SGCD: variants seen among roughly 807,000 people sequenced by gnomAD.
SGCD encodes delta-sarcoglycan.
In SGCD, 18 loss-of-function variants were observed where a neutral mutation model predicts 36.6. The ratio of observed to expected loss-of-function variants is 0.49; its 90% CI spans 0.34 to 0.73. The LOEUF (loss-of-function observed/expected upper bound fraction) is 0.73, where lower values mean the gene tolerates loss of function less well. Ranked by LOEUF, SGCD falls within the 30% of genes least tolerant of loss-of-function variation. SGCD has a pLI of 0.01. For missense variants in SGCD, 387 were observed against 346.7 expected, an observed-to-expected ratio of 1.12 and a Z score of -0.92; for synonymous variants, 133 against 130.6, an observed-to-expected ratio of 1.02 and a Z score of -0.12.
intron 1 of SGCD, among the ~76,000 whole-genome samples, chr5:155,908,873 A>G (rs1255822360): frequency 2.0e-5 from 3 of 152,112 alleles, no homozygotes; most frequent in African/African-American, 4.8e-5. Context: ...CAAAAAGCGC[A>G]ATCTACCTTG....
chr5:155,864,714 TC>T, the SGCD span, among the ~76,000 whole-genome samples: 3 of 150,330 alleles, frequency 2.0e-5, no homozygotes, highest in South Asian at 6.5e-4. Context: ...GTGGAACAAG[TC>T]ACTGTAATCT....
At chr5:155,937,161 G>T (rs946109038) in intron 1 of SGCD, among the ~76,000 whole-genome samples, 4 of 152,328 alleles carry the variant, frequency 2.6e-5, no homozygotes, top group African/African-American at 9.6e-5. Flanking sequence ...AGAGGCCCGG[G>T]TCTGCAGGCA....
At chr5:156,579,620 G>A (rs1035754141) in intron 4 of SGCD, among the ~76,000 whole-genome samples, 13 of 152,126 alleles carry the variant, frequency 8.5e-5, no homozygotes, top group Non-Finnish European at 1.5e-5. Context: ...TATATATTTA[G>A]GATAGTTAGC....
chr5:156,005,494 A>C (rs1375948425), intron 1 of SGCD, among the ~76,000 whole-genome samples: 1 of 152,118 alleles, frequency 6.6e-6, no homozygotes, highest in Non-Finnish European at 1.5e-5. Flanking sequence ...TCAGTCGCCC[A>C]GGCTGGAGTG....
chr5:156,254,559 A>T (rs1435407065), intron 3 of SGCD, among the ~76,000 whole-genome samples: 1 of 152,116 alleles, frequency 6.6e-6, no homozygotes, highest in Non-Finnish European at 1.5e-5. Context: ...TTTAAATCTC[A>T]TATTGTTGGC....
At chr5:155,824,394 A>G in the SGCD span, among the ~76,000 whole-genome samples, 3 of 152,306 alleles carry the variant, frequency 2.0e-5, no homozygotes, top group East Asian at 5.8e-4. Flanking sequence ...GTGAGATACT[A>G]TTATTATTGT....
chr5:156,649,726 G>A (rs1340910749), intron 7 of SGCD, among the ~76,000 whole-genome samples: 1 of 151,588 alleles, frequency 6.6e-6, no homozygotes, highest in Non-Finnish European at 1.5e-5. Flanking sequence ...TGGGGGGAGA[G>A]GGGAGGGATA....
intron 3 of SGCD, among the ~76,000 whole-genome samples, chr5:156,493,462 A>G (rs2127852348): frequency 6.6e-6 from 1 of 152,282 alleles, no homozygotes; most frequent in East Asian, 1.9e-4. Context: ...TTAATAAATC[A>G]TTATGATTGG....
Position 156,500,532 on chromosome 5 carries a change from C to T in SGCD, c.193-8069C>T, listed in dbSNP as rs187651477. ...AAATGTGCTGACAGAATTAAAAACC[C>T]GTCCAATGCTGATGCAGGGGGAAAA... On this transcript the variant is annotated intron_variant, in intron 3 of 8. Coordinates refer to ENST00000337851, the MANE Select transcript of SGCD (RefSeq NM_000337.6). Among the ~76,000 whole-genome samples the T allele has an allele frequency of 2.2e-4, 34 of 152,298 alleles. No individual in the cohort carries two copies. The East Asian group carries it at 5.4e-3, about 24-fold the overall frequency.
intron 3 of SGCD, among the ~76,000 whole-genome samples, chr5:156,487,954 CAT>C: frequency 1.4e-5 from 1 of 69,794 alleles, no homozygotes; most frequent in Non-Finnish European, 2.8e-5. Flanking sequence ...AGAAATGTAA[CAT>C]ATATTATATA....
rs191157702 is a variant in SGCD at position 156,281,279 on chromosome 5, C to G, written c.-43-48255C>G. On this transcript the variant is annotated intron_variant, in intron 3 of 9. Transcript: ENST00000517913. ...GTCCCCTTCTCTCATCATCCCCCCC[C>G]AAAAAAGAACCATATCTGGATACTG... is the stretch of plus-strand genomic sequence containing the variant. 2.0e-5 allele frequency among the ~76,000 whole-genome samples: 3 copies of G among 152,020 alleles called. No homozygotes were observed. In the East Asian group the frequency reaches 5.8e-4, roughly 29 times the overall value.
At chr5:156,330,936 A>T (rs4704792) in intron 2 of SGCD, among the ~76,000 whole-genome samples, 122,711 of 152,194 alleles carry the variant, frequency 0.81, 50,071 homozygotes, top group African/African-American at 0.93. Context: ...AAAATGGACA[A>T]GACAAAAGTA....
At chr5:156,068,073 G>A (rs1299939389) in intron 1 of SGCD, among the ~76,000 whole-genome samples, 2 of 151,508 alleles carry the variant, frequency 1.3e-5, no homozygotes, top group Non-Finnish European at 2.9e-5. Flanking sequence ...ACCTGCAGTG[G>A]CCTGTGATGT....
At chr5:156,200,900 A>G (rs1764132860) in intron 3 of SGCD, among the ~76,000 whole-genome samples, 1 of 152,230 alleles carries the variant, frequency 6.6e-6, no homozygotes, top group African/African-American at 2.4e-5. Context: ...GTGGAATATT[A>G]TGCAGCTTTA....
intron 1 of SGCD, among the ~76,000 whole-genome samples, chr5:155,875,673 T>C (rs1580965047): frequency 6.6e-6 from 1 of 152,072 alleles, no homozygotes; most frequent in Middle Eastern, 3.4e-3. Flanking sequence ...TGTTATGGTA[T>C]TTTTACCCCC....
intron 3 of SGCD, among the ~76,000 whole-genome samples, chr5:156,502,727 CA>C (rs1756513511): frequency 6.6e-6 from 1 of 152,042 alleles, no homozygotes; most frequent in Non-Finnish European, 1.5e-5. Context: ...TAATAATACC[CA>C]AAACTTCTTA....
intron 4 of SGCD, among the ~76,000 whole-genome samples, chr5:156,566,368 T>A (rs1759477902): frequency 6.6e-6 from 1 of 152,222 alleles, no homozygotes; most frequent in Non-Finnish European, 1.5e-5. Flanking sequence ...ATTTTAATAT[T>A]GCAATAAGAT....
chr5:156,014,987 G>A (rs564606679), intron 1 of SGCD, among the ~76,000 whole-genome samples: 1 of 152,184 alleles, frequency 6.6e-6, no homozygotes, highest in South Asian at 2.1e-4. Flanking sequence ...TCTCCCCTTC[G>A]TAGATATTGC....
intron 4 of SGCD, among the ~76,000 whole-genome samples, chr5:156,584,991 G>A (rs1297120023): frequency 6.6e-6 from 1 of 152,200 alleles, no homozygotes; most frequent in African/African-American, 2.4e-5. Flanking sequence ...AAAGCTGGCA[G>A]TCCCCTTGCA....
Sources: gnomAD v4.1 joint callset for allele counts (sites outside exome capture counted in the v4.1 genomes callset) on GRCh38, gnomAD v4.1.1 for gene constraint, MANE v1.5 for transcripts, NCBI Gene and HGNC (gene_info 2026-07-23, HGNC 2026-07-21) for gene names.